TPRG1: variants seen among roughly 807,000 people sequenced by gnomAD.
The protein encoded by TPRG1 is tumor protein p63-regulated gene 1 protein.
TPRG1 carries 29 observed loss-of-function variants against 29.3 expected under a neutral mutation model. That is an observed-to-expected ratio of 0.99 (90% CI 0.74 to 1.35). The LOEUF is 1.35. TPRG1 is among the 40% of genes most tolerant of loss of function. The pLI is 0.00. For synonymous variants in TPRG1, 130 were observed against 116.8 expected, an observed-to-expected ratio of 1.11 and a Z score of -0.73; for missense variants, 327 against 335.0, an observed-to-expected ratio of 0.98 and a Z score of 0.19.
intron 1 of TPRG1, among the ~76,000 whole-genome samples, chr3:189,126,517 C>T: frequency 6.6e-6 from 1 of 152,172 alleles, no homozygotes; most frequent in Middle Eastern, 3.2e-3. Flanking sequence ...GTGAGAATTC[C>T]TTCATGTGTA....
At chr3:189,225,775 G>GC (rs1393537583) in intron 3 of TPRG1, among the ~76,000 whole-genome samples, 1 of 152,186 alleles carries the variant, frequency 6.6e-6, no homozygotes, top group Non-Finnish European at 1.5e-5. Context: ...AGAGAAGGAA[G>GC]CCTGTGCTTC....
intron 1 of TPRG1, among the ~76,000 whole-genome samples, chr3:189,175,235 G>A (rs1401344247): frequency 6.6e-6 from 1 of 152,216 alleles, no homozygotes; most frequent in Non-Finnish European, 1.5e-5. Context: ...GTTGCCATCA[G>A]AGATAATTGT....
intron 4 of TPRG1, among the ~76,000 whole-genome samples, chr3:189,070,073 C>A (rs1379524952): frequency 1.3e-5 from 2 of 151,926 alleles, no homozygotes; most frequent in Non-Finnish European, 2.9e-5. Flanking sequence ...GAGCGAGACT[C>A]CATTTCAAAA....
chr3:189,170,586 T>A (rs3856925), upstream of TPRG1, among the ~76,000 whole-genome samples: 78,023 of 152,046 alleles, frequency 0.51, 20,150 homozygotes, highest in East Asian at 0.57. Flanking sequence ...CTTCTTGAGC[T>A]CCTTATGCCA....
intron 4 of TPRG1, among the ~76,000 whole-genome samples, chr3:189,297,500 C>T (rs764385901): frequency 2.6e-5 from 4 of 152,154 alleles, no homozygotes; most frequent in Non-Finnish European, 4.4e-5. Flanking sequence ...CTCCCTCTGA[C>T]TACTTGTTCT....
intron 4 of TPRG1, among the ~76,000 whole-genome samples, chr3:189,051,517 T>C (rs1284886448): frequency 6.6e-6 from 1 of 152,148 alleles, no homozygotes; most frequent in Admixed American, 6.5e-5. Flanking sequence ...ATGACCATAC[T>C]GCCAAAAGCA....
intron 4 of TPRG1, among the ~76,000 whole-genome samples, chr3:189,061,465 A>T (rs9823769): frequency 0.13 from 19,116 of 152,192 alleles, 2,156 homozygotes; most frequent in African/African-American, 0.3. Context: ...CTAAAGAGCT[A>T]TTGCACAGCA....
chr3:189,291,936 G>C (rs1003191810), intron 4 of TPRG1, among the ~76,000 whole-genome samples: 1 of 152,146 alleles, frequency 6.6e-6, no homozygotes, highest in Non-Finnish European at 1.5e-5. Context: ...CCAGAGCTCT[G>C]GGTAGGCTTC....
At chr3:189,179,916 GACACAC>G (rs1286886572) in intron 1 of TPRG1, among the ~76,000 whole-genome samples, 1 of 152,208 alleles carries the variant, frequency 6.6e-6, no homozygotes, top group African/African-American at 2.4e-5. Flanking sequence ...TGCTGGTAAA[GACACAC>G]ATGAGACTGG....
intron 4 of TPRG1, among the ~76,000 whole-genome samples, chr3:189,071,544 C>T (rs1324731989): frequency 1.3e-5 from 2 of 152,106 alleles, no homozygotes; most frequent in Non-Finnish European, 2.9e-5. Context: ...CACACACAGA[C>T]ACACACACAT....
intron 4 of TPRG1, among the ~76,000 whole-genome samples, chr3:189,268,042 G>A (rs1474245172): frequency 6.6e-6 from 1 of 152,138 alleles, no homozygotes; most frequent in Non-Finnish European, 1.5e-5. Flanking sequence ...CTGATTAATG[G>A]TCTTGGAATT....
At chr3:189,290,064 G>T (rs1718743100) in intron 4 of TPRG1, among the ~76,000 whole-genome samples, 2 of 152,146 alleles carry the variant, frequency 1.3e-5, no homozygotes, top group Non-Finnish European at 2.9e-5. Context: ...AATAAATTTT[G>T]TGTTTATGGC....
intron 1 of TPRG1, among the ~76,000 whole-genome samples, chr3:189,182,023 A>G (rs1330869765): frequency 6.6e-6 from 1 of 152,182 alleles, no homozygotes; most frequent in Non-Finnish European, 1.5e-5. Context: ...TTTTAAAACC[A>G]TCAGATCTCC....
At chr3:189,286,340 T>A (rs940777369) in intron 4 of TPRG1, among the ~76,000 whole-genome samples, 1 of 152,096 alleles carries the variant, frequency 6.6e-6, no homozygotes, top group Non-Finnish European at 1.5e-5. Flanking sequence ...ATAGTATATA[T>A]TTGTTCACTT....
At chr3:189,057,759 T>G (rs947262703) in intron 4 of TPRG1, among the ~76,000 whole-genome samples, 2 of 147,982 alleles carry the variant, frequency 1.4e-5, no homozygotes, top group Non-Finnish European at 3.0e-5. Context: ...CATATATATA[T>G]ATATACACAC....
At chr3:189,182,437 CA>C (rs1730351048) in intron 1 of TPRG1, among the ~76,000 whole-genome samples, 1 of 152,108 alleles carries the variant, frequency 6.6e-6, no homozygotes, top group South Asian at 2.1e-4. Flanking sequence ...ATGTTTTAAA[CA>C]GTTAATTTAG....
chr3:189,194,068 A>AT (rs1399187622), intron 1 of TPRG1, among the ~76,000 whole-genome samples: 1 of 151,638 alleles, frequency 6.6e-6, no homozygotes, highest in Non-Finnish European at 1.5e-5. Context: ...ATAAAGAAAG[A>AT]TTTTCACCTG....
chr3:189,061,843 G>T (rs1222923214), intron 4 of TPRG1, among the ~76,000 whole-genome samples: 1 of 151,834 alleles, frequency 6.6e-6, no homozygotes, highest in Non-Finnish European at 1.5e-5. Flanking sequence ...GTGGTGGAGT[G>T]TAAATTAGTT....
chr3:189,242,555 T>C (rs1333857873), intron 4 of TPRG1, among the ~76,000 whole-genome samples: 1 of 152,156 alleles, frequency 6.6e-6, no homozygotes, highest in Non-Finnish European at 1.5e-5. Flanking sequence ...CCTGTGTTCA[T>C]GAGGGGTATT....
Sources: allele counts gnomAD v4.1 joint callset (sites outside exome capture counted in the v4.1 genomes callset), GRCh38; gene constraint gnomAD v4.1.1; transcripts MANE v1.5; gene names NCBI Gene and HGNC (gene_info 2026-07-23, HGNC 2026-07-21).